PDE4C: variants seen among roughly 807,000 people sequenced by gnomAD.
PDE4C encodes phosphodiesterase 4C, also known as 3',5'-cyclic-AMP phosphodiesterase 4C.
In PDE4C, 50 loss-of-function variants were observed where a neutral mutation model predicts 63.9. That is an observed-to-expected ratio of 0.78 (90% CI 0.62 to 0.99). The LOEUF (loss-of-function observed/expected upper bound fraction) is 0.99. Among genes scored for constraint, PDE4C ranks in the 50% least tolerant of loss-of-function variants. The pLI is 0.00. For synonymous variants in PDE4C, 377 were observed against 385.1 expected, an observed-to-expected ratio of 0.98 and a Z score of 0.25; for missense variants, 777 against 899.1, an observed-to-expected ratio of 0.86 and a Z score of 1.74.
intron 14 of PDE4C, 98 bp from the exon 15 acceptor site, chr19:18,211,374 C>T: frequency 9.9e-7 from 1 of 1,013,610 alleles, no homozygotes; most frequent in Non-Finnish European, 1.4e-6. Flanking sequence ...TTCCCTCTGC[C>T]TGGAATGCCG....
chr19:18,221,994 A>C, intron 2 of PDE4C, 138 bp downstream of exon 2: 2 of 703,548 alleles, frequency 2.8e-6, no homozygotes, highest in Non-Finnish European at 4.7e-6. Context: ...ACTTGATTGA[A>C]TATATGAGCT....
At chr19:18,210,761 C>G in exon 15 of PDE4C, 1 of 1,194,218 alleles carries the variant, frequency 8.4e-7, no homozygotes, top group South Asian at 1.9e-5. Context: ...CAGCCAGGTG[C>G]CTCCAATTAG....
rs1480219278 is a variant in PDE4C at position 18,220,808 on chromosome 19, G to A, written c.499+66C>T. ...CAGTATAAGGGGCTCATGGACTGGGGAGGTCACTATGGAAAGGAAGCTCCC... is the reference window on the plus strand; with the variant it reads ...CAGTATAAGGGGCTCATGGACTGGGAAGGTCACTATGGAAAGGAAGCTCCC... On this transcript the variant is annotated intron_variant, in intron 5 of 14. Transcript: ENST00000262805. This position sits in a 1 kb window ranked among gnomAD's most constrained non-coding sequence, Gnocchi z 5.1. 1 of 1,473,098 alleles carries A rather than the reference G, an allele frequency of 6.8e-7. No individual in the cohort carries two copies. Among genetic ancestry groups the A allele is most frequent in the Admixed American group, 1.9e-5 (1 of 52,844 alleles). The allele number at this position is 1,473,098 out of a possible 1,614,324, so 91.3% of individuals were successfully genotyped here.
intron 1 of PDE4C, chr19:18,232,898 C>A: frequency 2.8e-6 from 4 of 1,414,586 alleles, no homozygotes; most frequent in Non-Finnish European, 3.7e-6. Flanking sequence ...TCCCGCCAGG[C>A]CCCGCGCGCC....
At chr19:18,241,341 A>T (rs1969034882) in intron 1 of PDE4C, among the ~76,000 whole-genome samples, 1 of 126,356 alleles carries the variant, frequency 7.9e-6, no homozygotes, top group East Asian at 2.2e-4. Context: ...ATCTCGGCTC[A>T]CTGCAAGCTC....
At chr19:18,221,410 C>T in intron 2 of PDE4C, 113 bp from the exon 3 acceptor site, 2 of 1,105,234 alleles carry the variant, frequency 1.8e-6, no homozygotes, top group East Asian at 5.4e-5. Context: ...CTCCAGGCTC[C>T]TTCTTAGTCC....
upstream of PDE4C, chr19:18,248,227 G>A (rs57884093): frequency 0.34 from 153,963 of 455,792 alleles, 26,891 homozygotes; most frequent in Middle Eastern, 0.43. Flanking sequence ...AGGGAAGGAG[G>A]GGAGAAAATG....
chr19:18,221,999 T>G, intron 2 of PDE4C, 133 bp downstream of exon 2: 2 of 723,478 alleles, frequency 2.8e-6, no homozygotes, highest in Non-Finnish European at 4.5e-6. Flanking sequence ...ATTGAATATA[T>G]GAGCTGTCTG....
chr19:18,230,298 G>C (rs1388682337), upstream of PDE4C, among the ~76,000 whole-genome samples: 2 of 152,218 alleles, frequency 1.3e-5, no homozygotes, highest in African/African-American at 2.4e-5. Flanking sequence ...TTGAGGTCAA[G>C]AGTTTGAGAC....
Position 18,226,167 on chromosome 19 carries a change from C to T in PDE4C, c.146+103G>A, listed in dbSNP as rs565434411. The T allele has an allele frequency of 3.1e-5, 29 of 932,136 alleles. No homozygotes were observed. The Admixed American group carries it at 5.1e-4, about 16-fold the overall frequency. The allele number at this position is 932,136 out of a possible 1,614,324, so 57.7% of individuals were successfully genotyped here. Reference sequence around the variant, plus strand: ...AGGCAGAGCGTCCAAGCCCGGACTCCGGCCCCGGCCCCAGCTGTCCCTGGC... The same window carrying T: ...AGGCAGAGCGTCCAAGCCCGGACTCTGGCCCCGGCCCCAGCTGTCCCTGGC... On this transcript the variant is annotated intron_variant, in intron 1 of 14. Transcript: ENST00000262805.
At chr19:18,214,861 A>C (rs1206707365) in intron 12 of PDE4C, among the ~76,000 whole-genome samples, 1 of 151,792 alleles carries the variant, frequency 6.6e-6, no homozygotes, top group East Asian at 1.9e-4. Flanking sequence ...AGGCAGGAGA[A>C]TCACTTGAAC....
At position 18,211,944 on chromosome 19, in the gene PDE4C, A is replaced by G. The variant is rs1321172092; in HGVS notation, c.1513-3T>C. 3.7e-6 allele frequency: 6 copies of G among 1,612,298 alleles called. No individual in the cohort carries two copies. The highest frequency in any genetic ancestry group is 1.7e-5 in the Admixed American group (1 of 59,996). Reference sequence around the variant, plus strand: ...CAGTGCACCAGGTTCTGCAAGACCTACAGAGATCGAGGCTTGGGAGGGCAC... The same window carrying G: ...CAGTGCACCAGGTTCTGCAAGACCTGCAGAGATCGAGGCTTGGGAGGGCAC... On this transcript the variant is annotated splice_polypyrimidine_tract_variant and splice_region_variant and intron_variant, in intron 13 of 14. Transcript: ENST00000262805.
chr19:18,227,063 C>T (rs1000039674), upstream of PDE4C, among the ~76,000 whole-genome samples: 1 of 150,804 alleles, frequency 6.6e-6, no homozygotes, highest in Non-Finnish European at 1.5e-5. Flanking sequence ...AGAGAAACAG[C>T]TGTCTTGCCT....
At chr19:18,242,909 T>C (rs1969068706) in intron 1 of PDE4C, among the ~76,000 whole-genome samples, 1 of 152,004 alleles carries the variant, frequency 6.6e-6, no homozygotes, top group Non-Finnish European at 1.5e-5. Context: ...TTGAGGAATG[T>C]GATCTACTTG....
chr19:18,245,057 G>C (rs556718499), intron 1 of PDE4C, among the ~76,000 whole-genome samples: 4 of 152,118 alleles, frequency 2.6e-5, no homozygotes, highest in African/African-American at 9.6e-5. Flanking sequence ...GGATGGTCTC[G>C]ATCTCTTGAC....
exon 1 of PDE4C, chr19:18,233,297 C>A (rs1384445472): frequency 1.3e-6 from 2 of 1,482,658 alleles, no homozygotes; most frequent in African/African-American, 1.4e-5. Flanking sequence ...GGAGTGGAGG[C>A]GACAGCGAGG....
At chr19:18,238,295 G>A (rs1968987230), upstream of PDE4C, among the ~76,000 whole-genome samples, 1 of 151,272 alleles carries the variant, frequency 6.6e-6, no homozygotes, top group Non-Finnish European at 1.5e-5. Context: ...GAGTGCAGTG[G>A]CACAATCTCG....
chr19:18,226,497 G>C, upstream of PDE4C: 1 of 1,218,756 alleles, frequency 8.2e-7, no homozygotes, highest in Middle Eastern at 3.1e-4. Context: ...GGCCCAGCGG[G>C]GAGGGGGCAA....
the PDE4C span, among the ~76,000 whole-genome samples, chr19:18,253,358 G>A: frequency 6.6e-6 from 1 of 152,050 alleles, no homozygotes; most frequent in South Asian, 2.1e-4. Flanking sequence ...ACTCCTGCCT[G>A]GGAGACATAA....
Sources: gnomAD v4.1 joint callset for allele counts (sites outside exome capture counted in the v4.1 genomes callset) on GRCh38, gnomAD v4.1.1 for gene constraint, Gnocchi (gnomAD v3.1) non-coding constraint, MANE v1.5 for transcripts, NCBI Gene and HGNC (gene_info 2026-07-23, HGNC 2026-07-21) for gene names.